NT5C3A: variants seen among roughly 807,000 people sequenced by gnomAD.
NT5C3A encodes the protein cytosolic 5'-nucleotidase 3A.
A neutral mutation model predicts 40.0 loss-of-function variants in NT5C3A; 23 were observed. The observed-to-expected ratio is 0.58, with a 90% CI of 0.41 to 0.81. The LOEUF is 0.81. Ranked by LOEUF, NT5C3A falls within the 40% of genes least tolerant of loss-of-function variation. The pLI is 0.00. For synonymous variants in NT5C3A, 130 were observed against 141.4 expected, an observed-to-expected ratio of 0.92 and a Z score of 0.57; for missense variants, 328 against 403.0, an observed-to-expected ratio of 0.81 and a Z score of 1.59.
chr7:33,014,441 T>A lies in NT5C3A; in HGVS notation c.*289A>T, dbSNP rs760207252. Reference sequence around the variant, plus strand: ...TGTAAAAGACTCCTCAAAAGCTGCATGATAACATTAAACTACAAAATTCAC... The same window carrying A: ...TGTAAAAGACTCCTCAAAAGCTGCAAGATAACATTAAACTACAAAATTCAC... On this transcript the variant is annotated 3_prime_UTR_variant, in exon 9 of 9. Coordinates refer to ENST00000610140, the MANE Select transcript of NT5C3A (RefSeq NM_001002010.5). The A allele has an allele frequency of 2.1e-6, 1 of 484,700 alleles. No individual in the cohort carries two copies. Among genetic ancestry groups the A allele is most frequent in the South Asian group, 1.6e-5 (1 of 64,170 alleles). 30.0% of individuals were successfully genotyped at this position (484,700 alleles called of 1,614,324 possible).
At chr7:33,057,387 G>A (rs1472179983) in intron 1 of NT5C3A, among the ~76,000 whole-genome samples, 1 of 152,064 alleles carries the variant, frequency 6.6e-6, no homozygotes, top group Non-Finnish European at 1.5e-5. Context: ...AGTTGGGCGT[G>A]GTGGTGCGTG....
At chr7:33,055,218 G>A (rs891753590) in intron 1 of NT5C3A, among the ~76,000 whole-genome samples, 1 of 151,848 alleles carries the variant, frequency 6.6e-6, no homozygotes, top group Non-Finnish European at 1.5e-5. Flanking sequence ...CCAGCTACTC[G>A]GGAGACTGAG....
chr7:33,020,006 A>G (rs1249516011), intron 5 of NT5C3A, among the ~76,000 whole-genome samples: 1 of 152,202 alleles, frequency 6.6e-6, no homozygotes, highest in Non-Finnish European at 1.5e-5. Context: ...AATTCTACAC[A>G]TAAAAACTCA....
chr7:33,051,409 G>A (rs12532475), intron 1 of NT5C3A, among the ~76,000 whole-genome samples: 104,641 of 151,928 alleles, frequency 0.69, 36,292 homozygotes, highest in Admixed American at 0.72. Context: ...TGATCCGCCC[G>A]CCTCGGCCTC....
intron 2 of NT5C3A, among the ~76,000 whole-genome samples, chr7:33,026,138 T>C (rs956274972): frequency 5.9e-5 from 9 of 151,686 alleles, no homozygotes; most frequent in African/African-American, 2.4e-5. Context: ...TGAGCTGAGA[T>C]CGTGCCACTG....
chr7:33,029,755 T>G, intron 1 of NT5C3A: 1 of 1,206,300 alleles, frequency 8.3e-7, no homozygotes, highest in Non-Finnish European at 1.1e-6. Flanking sequence ...TTTATAGAGA[T>G]AAGGTCTTGC....
chr7:33,023,013 G>C (rs1252005794), intron 3 of NT5C3A, among the ~76,000 whole-genome samples: 1 of 151,482 alleles, frequency 6.6e-6, no homozygotes, highest in East Asian at 1.9e-4. Context: ...GCCCTCCCAG[G>C]CTCAAGGACC....
intron 1 of NT5C3A, among the ~76,000 whole-genome samples, chr7:33,028,435 T>G (rs1786067788): frequency 6.6e-6 from 1 of 152,176 alleles, no homozygotes; most frequent in African/African-American, 2.4e-5. Context: ...ACAATACAAC[T>G]AGAAGGAGAA....
At chr7:33,029,751 G>A in intron 1 of NT5C3A, 9 of 1,216,658 alleles carry the variant, frequency 7.4e-6, no homozygotes, top group Non-Finnish European at 8.7e-6. Flanking sequence ...TATTTTTATA[G>A]AGATAAGGTC....
chr7:33,051,650 T>C (rs1339321780), intron 1 of NT5C3A, among the ~76,000 whole-genome samples: 2 of 152,180 alleles, frequency 1.3e-5, no homozygotes, highest in Admixed American at 1.3e-4. Flanking sequence ...ACTGCTCCCA[T>C]AACAGTTTAA....
At chr7:33,018,537 C>A (rs1278803586) in intron 6 of NT5C3A, among the ~76,000 whole-genome samples, 2 of 152,126 alleles carry the variant, frequency 1.3e-5, no homozygotes, top group Non-Finnish European at 2.9e-5. Context: ...GAAAATTTTA[C>A]GAGGTAATAA....
Position 33,017,563 on chromosome 7 carries a change from T to C in NT5C3A, c.569A>G (p.His190Arg), listed in dbSNP as rs1190845859. The change falls in exon 7 of 9, where the codon CAT (histidine) becomes CGT (arginine). Residue 190 changes from histidine to arginine, a missense_variant. Around this residue, in one of 3 missense-constraint regions of NT5C3A, gnomAD observed 280 missense variants for 317.2 expected, o/e 0.88. Coordinates refer to ENST00000610140, the MANE Select transcript of NT5C3A (RefSeq NM_001002010.5). Reference sequence around the variant, plus strand: ...CGAAAATATGAACACGGGGATGCTATGTTGTTGGAGCTTATCAAAGAAATT... The same window carrying C: ...CGAAAATATGAACACGGGGATGCTACGTTGTTGGAGCTTATCAAAGAAATT... The part of the protein sequence containing the change: ...YENFFDKLQQ[H>R]SIPVFIFSAG... 6.2e-7 allele frequency: 1 copy of C among 1,614,002 alleles called. No individual in the cohort carries two copies. The highest frequency in any genetic ancestry group is 8.5e-7 in the Non-Finnish European group (1 of 1,179,838).
rs777009829 is a variant in NT5C3A, at chr7:33,024,082, G to C, written c.264C>G (p.Leu88=). 2 of 1,585,868 alleles carry C rather than the reference G, an allele frequency of 1.3e-6. No homozygotes were observed. The highest frequency in any genetic ancestry group is 2.2e-5 in the South Asian group (2 of 90,232). The part of the protein sequence containing the change: ...LQIITDFDMT[L]SRFSYKGKRC... ...TTTTCCCTTTATATGAAAATCTACT[G>C]AGTGTCATATCAAAGTCCGTTATTA... Residue 88 remains leucine (L), a synonymous_variant, in exon 3 of 9, where the codon CTC becomes CTG. Coordinates refer to ENST00000610140, the MANE Select transcript of NT5C3A (RefSeq NM_001002010.5).
In NT5C3A at chr7:33,017,562, ATGT is replaced by A. The variant is rs762172546; in HGVS notation, c.567_569del (p.Gln189del). The A allele has an allele frequency of 6.2e-7, 1 of 1,613,880 alleles. No homozygotes were observed. The highest frequency in any genetic ancestry group is 8.5e-7 in the Non-Finnish European group (1 of 1,179,752). ...CCGAAAATATGAACACGGGGATGCT[ATGT>A]TGTTGGAGCTTATCAAAGAAATTCT... On this transcript the variant is annotated inframe_deletion, in exon 7 of 9. Coordinates refer to ENST00000610140, the MANE Select transcript of NT5C3A (RefSeq NM_001002010.5).
chr7:33,021,242 TA>T, intron 5 of NT5C3A, 29 bp downstream of exon 5: 1 of 1,609,014 alleles, frequency 6.2e-7, no homozygotes, highest in Non-Finnish European at 8.5e-7. Flanking sequence ...TATTTTTTTT[TA>T]ATCCTCCTAC....
intron 1 of NT5C3A, among the ~76,000 whole-genome samples, chr7:33,035,480 C>T (rs1208552541): frequency 1.3e-5 from 2 of 151,886 alleles, no homozygotes; most frequent in South Asian, 2.1e-4. Flanking sequence ...GGCACCCGGC[C>T]GGAATGAGTT....
intron 1 of NT5C3A, among the ~76,000 whole-genome samples, chr7:33,049,219 T>C (rs544069763): frequency 6.6e-6 from 1 of 152,284 alleles, no homozygotes; most frequent in East Asian, 1.9e-4. Context: ...TATAGCAACA[T>C]TGCCTGACAA....
intron 1 of NT5C3A, chr7:33,029,586 A>G (rs1412721529): frequency 8.8e-7 from 1 of 1,132,582 alleles, no homozygotes; most frequent in African/African-American, 1.6e-5. Flanking sequence ...TTTTTCACCA[A>G]AAAAATTAAA....
intron 3 of NT5C3A, among the ~76,000 whole-genome samples, chr7:33,023,221 A>AT (rs1260324089): frequency 1.3e-5 from 2 of 151,696 alleles, no homozygotes; most frequent in Admixed American, 6.6e-5. Flanking sequence ...GATTTTTAGC[A>AT]TTTTTTTAAT....
Sources: gnomAD v4.1 joint callset for allele counts (sites outside exome capture counted in the v4.1 genomes callset) on GRCh38, gnomAD v4.1.1 for gene constraint, gnomAD v4.1.1 regional missense constraint, MANE v1.5 for transcripts, NCBI Gene and HGNC (gene_info 2026-07-23, HGNC 2026-07-21) for gene names.